The following FAM53B variants were observed in gnomAD, a reference collection of about 807,000 sequenced individuals.
FAM53B encodes protein FAM53B.
In FAM53B, 12 loss-of-function variants were observed where a neutral mutation model predicts 32.7. The observed-to-expected ratio is 0.37, with a 90% CI of 0.24 to 0.59. The LOEUF (loss-of-function observed/expected upper bound fraction) is 0.59. Among genes scored for constraint, FAM53B ranks in the 20% least tolerant of loss-of-function variants. FAM53B has a pLI of 0.72. For missense variants in FAM53B, 477 were observed against 577.7 expected (o/e 0.83, Z 1.79); for synonymous variants, 234 against 228.7 (o/e 1.02, Z -0.21).
intron 4 of FAM53B, among the ~76,000 whole-genome samples, chr10:124,624,634 C>G (rs1312305302): frequency 6.6e-6 from 1 of 152,182 alleles, no homozygotes; most frequent in East Asian, 1.9e-4. Flanking sequence ...AGGAGGCAGC[C>G]TGGGGCCTGC....
At chr10:124,642,298 C>G (rs918707596) in intron 4 of FAM53B, among the ~76,000 whole-genome samples, 1 of 152,214 alleles carries the variant, frequency 6.6e-6, no homozygotes, top group Non-Finnish European at 1.5e-5. Flanking sequence ...AAGGAGAGGA[C>G]AGCCAGAGCG....
chr10:124,743,218 G>A (rs1211866509), intron 1 of FAM53B, among the ~76,000 whole-genome samples: 1 of 152,184 alleles, frequency 6.6e-6, no homozygotes, highest in African/African-American at 2.4e-5. Context: ...CCGGATTCTG[G>A]GTGTCCTCGT....
chr10:124,719,062 A>G (rs1025654047), intron 1 of FAM53B, among the ~76,000 whole-genome samples: 2 of 152,152 alleles, frequency 1.3e-5, no homozygotes, highest in African/African-American at 4.8e-5. Context: ...AAAAAGAAGA[A>G]GAAGAAAGAA....
At chr10:124,627,611 G>C (rs748375719) in intron 4 of FAM53B, among the ~76,000 whole-genome samples, 15 of 152,164 alleles carry the variant, frequency 9.9e-5, no homozygotes, top group Non-Finnish European at 1.9e-4. Context: ...ATGGCCTCAG[G>C]CTAGTGGCCA....
chr10:124,738,567 A>G (rs1055417409), intron 1 of FAM53B, among the ~76,000 whole-genome samples: 6 of 151,326 alleles, frequency 4.0e-5, no homozygotes, highest in African/African-American at 1.5e-4. Context: ...ACACACGCAC[A>G]CTCACACCCC....
intron 3 of FAM53B, among the ~76,000 whole-genome samples, chr10:124,693,438 C>A (rs1167933159): frequency 6.6e-6 from 1 of 151,222 alleles, no homozygotes; most frequent in Non-Finnish European, 1.5e-5. Flanking sequence ...CCACTGCCCT[C>A]CAGCCTGGCG....
intron 3 of FAM53B, among the ~76,000 whole-genome samples, chr10:124,693,448 G>A (rs1417472324): frequency 2.7e-5 from 4 of 147,956 alleles, no homozygotes; most frequent in Non-Finnish European, 5.9e-5. Flanking sequence ...CCAGCCTGGC[G>A]ACAGTGAGAC....
chr10:124,686,101 C>G (rs530108642), intron 3 of FAM53B, among the ~76,000 whole-genome samples: 1 of 152,334 alleles, frequency 6.6e-6, no homozygotes, highest in South Asian at 2.1e-4. Flanking sequence ...CCACAAAGTA[C>G]AACTCCTCCC....
chr10:124,672,646 C>G (rs1472361397), intron 4 of FAM53B, among the ~76,000 whole-genome samples: 1 of 152,254 alleles, frequency 6.6e-6, no homozygotes, highest in Non-Finnish European at 1.5e-5. Flanking sequence ...AAGCTGCCCC[C>G]AGCCCTTCTC....
intron 4 of FAM53B, among the ~76,000 whole-genome samples, chr10:124,642,357 C>T (rs1022063027): frequency 4.6e-5 from 7 of 152,232 alleles, no homozygotes; most frequent in African/African-American, 7.2e-5. Context: ...CTCACACCAA[C>T]GCCTCTCCGG....
chr10:124,732,803 C>G (rs1950152639), intron 1 of FAM53B, among the ~76,000 whole-genome samples: 1 of 151,194 alleles, frequency 6.6e-6, no homozygotes, highest in African/African-American at 2.4e-5. Flanking sequence ...GCACTCCAGC[C>G]TGGGTGACAG....
chr10:124,723,549 G>A (rs1409770014), intron 1 of FAM53B, among the ~76,000 whole-genome samples: 1 of 152,212 alleles, frequency 6.6e-6, no homozygotes, highest in African/African-American at 2.4e-5. Flanking sequence ...AGTTTCTGTG[G>A]GCGGGAGGGT....
Position 124,645,162 on chromosome 10 carries a change from G to A in FAM53B, c.907-21558C>T, listed in dbSNP as rs1023650259. Among the ~76,000 whole-genome samples the A allele has an allele frequency of 1.3e-4, 20 of 152,342 alleles. 1 individual carries two copies. In the East Asian group the frequency reaches 3.9e-3, roughly 29 times the overall value. ...CTCGGCATAGGATGGGGTAGCCGGGGCAACTCGGGCCCTCCCTGGAGGCCT... is the reference window on the plus strand; with the variant it reads ...CTCGGCATAGGATGGGGTAGCCGGGACAACTCGGGCCCTCCCTGGAGGCCT... On this transcript the variant is annotated intron_variant, in intron 4 of 4. Transcript: ENST00000337318.
intron 3 of FAM53B, among the ~76,000 whole-genome samples, chr10:124,689,071 A>G (rs527626745): frequency 6.6e-6 from 1 of 152,238 alleles, no homozygotes; most frequent in Admixed American, 6.5e-5. Context: ...TACATTTCAC[A>G]CCTATCTACT....
chr10:124,672,601 C>T (rs184471257), intron 4 of FAM53B, among the ~76,000 whole-genome samples: 116 of 152,362 alleles, frequency 7.6e-4, no homozygotes, highest in African/African-American at 2.6e-3. Context: ...GCGTGACAAG[C>T]GCTAGAAACC....
intron 1 of FAM53B, among the ~76,000 whole-genome samples, chr10:124,738,101 GAGCAGC>G (rs10584927): frequency 6.6e-6 from 1 of 151,474 alleles, no homozygotes; most frequent in Non-Finnish European, 1.5e-5. Flanking sequence ...CACCAAGACA[GAGCAGC>G]AGCAGCAGCA....
At chr10:124,690,224 G>C (rs1949825238) in intron 3 of FAM53B, among the ~76,000 whole-genome samples, 1 of 152,260 alleles carries the variant, frequency 6.6e-6, no homozygotes, top group Non-Finnish European at 1.5e-5. Flanking sequence ...TAGGGTCCTT[G>C]CTGAAGCTGA....
intron 2 of FAM53B, among the ~76,000 whole-genome samples, chr10:124,701,072 G>A (rs143402398): frequency 6.6e-6 from 1 of 152,248 alleles, no homozygotes; most frequent in African/African-American, 2.4e-5. Context: ...AGCATGGGCA[G>A]GCCCCTTGGT....
chr10:124,636,882 A>C (rs1158366131), intron 4 of FAM53B, among the ~76,000 whole-genome samples: 1 of 151,716 alleles, frequency 6.6e-6, no homozygotes, highest in Non-Finnish European at 1.5e-5. Context: ...ACACCCACCA[A>C]GCAGAAGAGA....
Sources: gnomAD v4.1 joint callset for allele counts (sites outside exome capture counted in the v4.1 genomes callset) on GRCh38, gnomAD v4.1.1 for gene constraint, MANE v1.5 for transcripts, NCBI Gene and HGNC (gene_info 2026-07-23, HGNC 2026-07-21) for gene names.